Variants in PTPRB observed in about 807,000 individuals in gnomAD.
PTPRB encodes protein tyrosine phosphatase receptor type B, also known as receptor-type tyrosine-protein phosphatase beta.
A neutral mutation model predicts 238.1 loss-of-function variants in PTPRB; 97 were observed. That is an observed-to-expected ratio of 0.41 (90% confidence interval 0.35 to 0.48). PTPRB has a LOEUF of 0.48. Among genes scored for constraint, PTPRB ranks in the 20% least tolerant of loss-of-function variants. The pLI, the probability that PTPRB is intolerant of heterozygous loss-of-function variation, is 0.30. For synonymous variants in PTPRB, 970 were observed against 995.4 expected (o/e 0.97, Z 0.48); for missense variants, 2,292 against 2,681.9 (o/e 0.85, Z 3.21).
chr12:70,536,238 A>G, intron 28 of PTPRB, 79 bp from the exon 29 acceptor site: 2 of 1,478,334 alleles, frequency 1.4e-6, no homozygotes, highest in Non-Finnish European at 1.8e-6. Flanking sequence ...TTCAGATTAG[A>G]TGATAGGGAG....
chr12:70,548,179 T>C (rs1876309570), intron 21 of PTPRB, among the ~76,000 whole-genome samples: 1 of 151,970 alleles, frequency 6.6e-6, no homozygotes, highest in Non-Finnish European at 1.5e-5. Context: ...ATACAAAAAT[T>C]AGCCAGGCCC....
At chr12:70,579,754 G>C (rs1260048771) in intron 10 of PTPRB, among the ~76,000 whole-genome samples, 1 of 151,340 alleles carries the variant, frequency 6.6e-6, no homozygotes, top group Admixed American at 6.6e-5. Flanking sequence ...CATAGAATGA[G>C]GGAAATGGGC....
chr12:70,529,099 G>A (rs941641099), intron 32 of PTPRB, among the ~76,000 whole-genome samples: 1 of 152,062 alleles, frequency 6.6e-6, no homozygotes, highest in African/African-American at 2.4e-5. Context: ...GGTGCCTTGA[G>A]GACAAAACCT....
chr12:70,597,754 G>A (rs1244653090), intron 4 of PTPRB, among the ~76,000 whole-genome samples: 5 of 152,100 alleles, frequency 3.3e-5, no homozygotes, highest in African/African-American at 1.2e-4. Context: ...CTTCTTATAT[G>A]TTTTAAGATG....
In PTPRB at chr12:70,576,509, G is replaced by A; in HGVS notation, c.2715C>T (p.Ser905=). 1.9e-6 allele frequency: 3 copies of A among 1,574,928 alleles called. No individual in the cohort carries two copies. Among genetic ancestry groups the A allele is most frequent in the Non-Finnish European group, 2.6e-6 (3 of 1,158,442 alleles). Reference sequence around the variant, plus strand: ...CTCTGACAGACTTGGCAATGACAAGGGACTGAACCACCTTGCCGTCATGAG... The same window carrying A: ...CTCTGACAGACTTGGCAATGACAAGAGACTGAACCACCTTGCCGTCATGAG... The part of the protein sequence containing the change: ...TLSHDGKVVQ[S]LVIAKSVREC... Residue 905 remains serine, a synonymous_variant, in exon 11 of 34, where the codon TCC becomes TCT. Transcript: ENST00000334414.
chr12:70,625,759 AT>A (rs1228056494), intron 2 of PTPRB, among the ~76,000 whole-genome samples: 1 of 152,194 alleles, frequency 6.6e-6, no homozygotes, highest in African/African-American at 2.4e-5. Context: ...TGTGAAAGCT[AT>A]TTTTGAAAGC....
chr12:70,614,525 G>C (rs1237990523), intron 3 of PTPRB, among the ~76,000 whole-genome samples: 1 of 151,772 alleles, frequency 6.6e-6, no homozygotes, highest in Non-Finnish European at 1.5e-5. Flanking sequence ...TTCCAGCCTG[G>C]GTGACAGAGT....
Position 70,629,066 on chromosome 12 carries a change from GGAA to G in PTPRB, c.452-6423_452-6421del, listed in dbSNP as rs376825116. ...GTTGAAACATTTATTAATTTATTCA[GGAA>G]GAAGAAGTGGTTAGTAATAATGGTG... On this transcript the variant is annotated intron_variant, in intron 2 of 33. Coordinates refer to ENST00000334414, the MANE Select transcript of PTPRB (RefSeq NM_001109754.4). 2.0e-3 allele frequency among the ~76,000 whole-genome samples: 304 copies of G among 152,198 alleles called. 2 individuals are homozygous for G. The highest frequency in any genetic ancestry group is 6.9e-3 in the African/African-American group (286 of 41,522).
intron 7 of PTPRB, chr12:70,591,596 A>G (rs1301868104): frequency 6.6e-6 from 1 of 152,336 alleles, no homozygotes; most frequent in Admixed American, 6.5e-5. Flanking sequence ...TGTATTCCAC[A>G]TCTGTGTGAT....
At chr12:70,611,584 G>T (rs951258833) in intron 3 of PTPRB, among the ~76,000 whole-genome samples, 2 of 152,190 alleles carry the variant, frequency 1.3e-5, no homozygotes, top group African/African-American at 4.8e-5. Context: ...ACAGGCGTGT[G>T]CCACCGTGCC....
At position 70,609,272 on chromosome 12, in the gene PTPRB, A is replaced by G. The variant is rs377759466; in HGVS notation, c.776T>C (p.Val259Ala). 6.2e-7 allele frequency: 1 copy of G among 1,614,076 alleles called. No homozygotes were observed. Among genetic ancestry groups the G allele is most frequent in the Non-Finnish European group, 8.5e-7 (1 of 1,179,908 alleles). ...LAESKASSHS[V>A]SIQWRILGSP... is the part of the protein sequence containing the mutation. ...GCCCAAAATTCTCCACTGGATAGAC[A>G]CAGAATGGCTGGAGGCCTTGGACTC... Residue 259 changes from valine to alanine, a missense_variant, in exon 4 of 34, where the codon GTG becomes GCG. Physicochemically the swap from Val to Ala is moderately conservative, Grantham distance 64. This residue lies in a region of PTPRB where 1,205 missense variants were observed against 1,287.8 expected (regional missense o/e 0.94). Coordinates refer to ENST00000334414, the MANE Select transcript of PTPRB (RefSeq NM_001109754.4).
intron 2 of PTPRB, 116 bp downstream of exon 2, chr12:70,635,555 T>C (rs1885643077): frequency 5.6e-6 from 7 of 1,251,240 alleles, no homozygotes; most frequent in Non-Finnish European, 2.2e-6. Context: ...ATAGGAAATA[T>C]GTTGGGGCAT....
At chr12:70,530,011 A>G (rs1252018132) in intron 32 of PTPRB, among the ~76,000 whole-genome samples, 5 of 152,174 alleles carry the variant, frequency 3.3e-5, no homozygotes, top group Admixed American at 3.3e-4. Flanking sequence ...GCAATCAGCC[A>G]CATCTAGAAT....
At chr12:70,569,260 GC>G (rs1879723229) in intron 14 of PTPRB, among the ~76,000 whole-genome samples, 1 of 151,844 alleles carries the variant, frequency 6.6e-6, no homozygotes, top group African/African-American at 2.4e-5. Context: ...GCACCACCAC[GC>G]CTGGCTAATT....
At chr12:70,591,673 T>G (rs994503254) in intron 7 of PTPRB, 1 of 152,344 alleles carries the variant, frequency 6.6e-6, no homozygotes, top group Non-Finnish European at 1.5e-5. Context: ...AGTAAATATT[T>G]CAGGTTTTGC....
At chr12:70,584,890 T>C (rs911058613) in intron 9 of PTPRB, 1 of 152,056 alleles carries the variant, frequency 6.6e-6, no homozygotes, top group African/African-American at 2.4e-5. Context: ...AATAATTATA[T>C]TTTTGTGGGA....
At chr12:70,522,112 C>T (rs1871721111) in intron 33 of PTPRB, among the ~76,000 whole-genome samples, 1 of 152,160 alleles carries the variant, frequency 6.6e-6, no homozygotes, top group South Asian at 2.1e-4. Flanking sequence ...TTGTGCTTTA[C>T]AGATGCTAAC....
intron 11 of PTPRB, among the ~76,000 whole-genome samples, chr12:70,575,599 G>A (rs1334785830): frequency 6.6e-6 from 1 of 152,128 alleles, no homozygotes; most frequent in African/African-American, 2.4e-5. Context: ...ACAGGATAAG[G>A]ACAATTGTCT....
In PTPRB at chr12:70,562,905, C is replaced by T; in HGVS notation, c.4107G>A (p.Lys1369=). ...CCCCACTGTGAGTTACAATCACCATCTTGTACATTCTGCCTTGTAGCAAGT... is the reference window on the plus strand; with the variant it reads ...CCCCACTGTGAGTTACAATCACCATTTTGTACATTCTGCCTTGTAGCAAGT... ...FQNLLQGRMY[K]MVIVTHSGEL... Residue 1369 remains lysine, a synonymous_variant, in exon 16 of 34, where the codon AAG becomes AAA. Coordinates refer to ENST00000334414, the MANE Select transcript of PTPRB (RefSeq NM_001109754.4). 6.2e-7 allele frequency: 1 copy of T among 1,613,986 alleles called. No individual in the cohort carries two copies. The highest frequency in any genetic ancestry group is 1.3e-5 in the African/African-American group (1 of 75,058).
Sources: gnomAD v4.1 joint callset for allele counts (sites outside exome capture counted in the v4.1 genomes callset) on GRCh38, gnomAD v4.1.1 for gene constraint, gnomAD v4.1.1 regional missense constraint, MANE v1.5 for transcripts, NCBI Gene and HGNC (gene_info 2026-07-23, HGNC 2026-07-21) for gene names.